Variants in TSHZ2 observed in about 807,000 individuals in gnomAD.
The protein encoded by TSHZ2 is teashirt zinc finger homeobox 2.
In TSHZ2, 21 loss-of-function variants were observed where a neutral mutation model predicts 74.4. The ratio of observed to expected loss-of-function variants is 0.28; its 90% CI spans 0.20 to 0.41. The LOEUF is 0.41. Among genes scored for constraint, TSHZ2 ranks in the 10% least tolerant of loss-of-function variants. The pLI is 1.00. For missense variants in TSHZ2, 1,244 were observed against 1,293.5 expected (o/e 0.96, Z 0.59); for synonymous variants, 540 against 515.3 (o/e 1.05, Z -0.65).
At chr20:53,213,053 GGAAA>G (rs1568816170) in intron 1 of TSHZ2, among the ~76,000 whole-genome samples, 2 of 152,094 alleles carry the variant, frequency 1.3e-5, no homozygotes, top group African/African-American at 2.4e-5. Context: ...TGGACACAGG[GGAAA>G]GAAAGGAAAA....
chr20:53,156,654 G>C (rs1387834711), intron 1 of TSHZ2, among the ~76,000 whole-genome samples: 2 of 152,228 alleles, frequency 1.3e-5, no homozygotes, highest in African/African-American at 4.8e-5. Context: ...ATGATTCAGA[G>C]ACGACTGAGG....
rs534947270 is a variant in TSHZ2 at position 53,153,757 on chromosome 20, AC to A, written c.41-99740del. Among the ~76,000 whole-genome samples the A allele has an allele frequency of 4.6e-5, 7 of 152,226 alleles. No homozygotes were observed. In the South Asian group the frequency reaches 1.5e-3, roughly 32 times the overall value. ...CCATTAGCTTTTGCTGCATTAAAAA[AC>A]CATTCCAAAACTCAGCAGCTTAAAA... is the stretch of plus-strand genomic sequence containing the variant. On this transcript the variant is annotated intron_variant, in intron 1 of 2. Transcript: ENST00000371497.
rs1389710420 is a variant in TSHZ2 at position 53,105,652 on chromosome 20, T to TTTTATG, written c.40+132320_40+132321insTTATGT. ...TATTTTATTTTATTTTTATTTTTATTTATTAATTTTTTGAAACAGGGACTT... is the reference window on the plus strand; with the variant it reads ...TATTTTATTTTATTTTTATTTTTATTTTTATGTATTAATTTTTTGAAACAGGGACTT... On this transcript the variant is annotated intron_variant, in intron 1 of 2. Transcript: ENST00000371497. Among the ~76,000 whole-genome samples the TTTTATG allele has an allele frequency of 1.6e-4, 24 of 152,132 alleles. No individual in the cohort carries two copies. The East Asian group carries it at 4.2e-3, about 27-fold the overall frequency.
chr20:53,118,597 G>T (rs1338087357), intron 1 of TSHZ2, among the ~76,000 whole-genome samples: 4 of 152,110 alleles, frequency 2.6e-5, no homozygotes, highest in African/African-American at 9.7e-5. Flanking sequence ...GGTTGGATTT[G>T]TGTATCCCAA....
intron 1 of TSHZ2, among the ~76,000 whole-genome samples, chr20:53,003,564 T>A (rs187788338): frequency 6.6e-6 from 1 of 152,308 alleles, no homozygotes; most frequent in East Asian, 1.9e-4. Context: ...GGTAATTGTC[T>A]CCTCTCTGAC....
At chr20:53,095,842 G>A (rs1460697320) in intron 1 of TSHZ2, among the ~76,000 whole-genome samples, 1 of 152,028 alleles carries the variant, frequency 6.6e-6, no homozygotes, top group African/African-American at 2.4e-5. Context: ...ACTGCCTACT[G>A]TTACAAGTGG....
In TSHZ2 at chr20:53,397,336, A is replaced by C. The variant is rs536205565; in HGVS notation, c.*9-89808A>C. On this transcript the variant is annotated intron_variant, in intron 2 of 2. Transcript: ENST00000371497. Reference sequence around the variant, plus strand: ...CGAAGGATATGAACAGACACTTCTCAAAAGAAGACATTTATGCAGCCAACA... The same window carrying C: ...CGAAGGATATGAACAGACACTTCTCCAAAGAAGACATTTATGCAGCCAACA... 5.9e-5 allele frequency among the ~76,000 whole-genome samples: 9 copies of C among 152,180 alleles called. No homozygotes were observed. In the East Asian group the frequency reaches 1.7e-3, roughly 29 times the overall value.
At chr20:53,223,699 C>T (rs1989615988) in intron 1 of TSHZ2, among the ~76,000 whole-genome samples, 9 of 152,084 alleles carry the variant, frequency 5.9e-5, no homozygotes, top group Admixed American at 5.9e-4. Flanking sequence ...CCCAGCCCCA[C>T]TCCATTTCTA....
chr20:53,298,969 A>C (rs1409743788), intron 2 of TSHZ2, among the ~76,000 whole-genome samples: 1 of 152,136 alleles, frequency 6.6e-6, no homozygotes, highest in African/African-American at 2.4e-5. Context: ...GGCTTGTGGG[A>C]GTTGTTTTGG....
intron 1 of TSHZ2, among the ~76,000 whole-genome samples, chr20:53,054,396 T>C (rs913967604): frequency 6.6e-6 from 1 of 152,254 alleles, no homozygotes; most frequent in Admixed American, 6.5e-5. Flanking sequence ...CTATCCATTG[T>C]CAAGCTCATT....
chr20:53,030,741 A>G (rs1983604879), intron 1 of TSHZ2, among the ~76,000 whole-genome samples: 1 of 152,252 alleles, frequency 6.6e-6, no homozygotes, highest in Non-Finnish European at 1.5e-5. Flanking sequence ...CACAGATATC[A>G]CCACTGGTAA....
intron 2 of TSHZ2, among the ~76,000 whole-genome samples, chr20:53,356,260 G>A (rs545499848): frequency 6.6e-6 from 1 of 152,246 alleles, no homozygotes; most frequent in African/African-American, 2.4e-5. Context: ...TTATGAGTAA[G>A]GAAAGTGAGA....
At chr20:53,220,156 A>G (rs551748878) in intron 1 of TSHZ2, among the ~76,000 whole-genome samples, 5 of 152,256 alleles carry the variant, frequency 3.3e-5, no homozygotes, top group Non-Finnish European at 7.3e-5. Context: ...CCTCATTATC[A>G]AAATAACGCA....
chr20:53,132,086 A>G (rs1987119024), intron 1 of TSHZ2, among the ~76,000 whole-genome samples: 1 of 151,996 alleles, frequency 6.6e-6, no homozygotes, highest in South Asian at 2.1e-4. Flanking sequence ...TCAGCCTTGT[A>G]TCACCTCTTT....
At chr20:53,094,263 C>A (rs1352900137) in intron 1 of TSHZ2, among the ~76,000 whole-genome samples, 1 of 152,174 alleles carries the variant, frequency 6.6e-6, no homozygotes, top group East Asian at 1.9e-4. Flanking sequence ...CCACCAAATC[C>A]CATGTTTGAT....
chr20:53,049,078 T>C (rs1984332976), intron 1 of TSHZ2, among the ~76,000 whole-genome samples: 1 of 152,094 alleles, frequency 6.6e-6, no homozygotes, highest in Non-Finnish European at 1.5e-5. Context: ...TTCATTGACA[T>C]CGTGTTTGTA....
intron 1 of TSHZ2, among the ~76,000 whole-genome samples, chr20:53,127,352 G>A (rs1986973579): frequency 6.6e-6 from 1 of 152,214 alleles, no homozygotes; most frequent in Admixed American, 6.5e-5. Flanking sequence ...ATAGGGCTAA[G>A]TATTATAAAG....
chr20:53,003,513 A>T (rs1002656006), intron 1 of TSHZ2, among the ~76,000 whole-genome samples: 1 of 152,166 alleles, frequency 6.6e-6, no homozygotes, highest in African/African-American at 2.4e-5. Flanking sequence ...TGTCAGCCCT[A>T]TGGAGAAATA....
At chr20:53,279,805 AT>A (rs1271359168) in intron 2 of TSHZ2, among the ~76,000 whole-genome samples, 1 of 152,182 alleles carries the variant, frequency 6.6e-6, no homozygotes, top group Non-Finnish European at 1.5e-5. Flanking sequence ...AGTGGTGCTA[AT>A]TTACTTTGGG....
Sources: gnomAD v4.1 joint callset for allele counts (sites outside exome capture counted in the v4.1 genomes callset) on GRCh38, gnomAD v4.1.1 for gene constraint, MANE v1.5 for transcripts, NCBI Gene and HGNC (gene_info 2026-07-23, HGNC 2026-07-21) for gene names.